CHD1: variants seen among roughly 807,000 people sequenced by gnomAD.
CHD1 encodes the protein ATP-dependent chromatin remodeler CHD1.
CHD1 carries 36 observed loss-of-function variants against 224.2 expected under a neutral mutation model. The observed-to-expected ratio is 0.16, with a 90% CI of 0.12 to 0.21. CHD1 has a LOEUF of 0.21. CHD1 is among the 10% of genes least tolerant of loss of function. The pLI, the probability that CHD1 is intolerant of heterozygous loss-of-function variation, is 1.00. For missense variants in CHD1, 1,378 were observed against 1,994.8 expected (o/e 0.69, Z 5.89); for synonymous variants, 668 against 658.3 (o/e 1.01, Z -0.23).
At chr5:98,856,830 T>C (rs1748069496) in intron 35 of CHD1, 105 bp from the exon 36 acceptor site, 6 of 774,002 alleles carry the variant, frequency 7.8e-6, no homozygotes, top group Non-Finnish European at 1.2e-5. Context: ...ATGTTTTTAA[T>C]TGTATAGAAA....
At chr5:98,877,589 T>C (rs1385174655) in intron 23 of CHD1, among the ~76,000 whole-genome samples, 1 of 152,230 alleles carries the variant, frequency 6.6e-6, no homozygotes, top group Non-Finnish European at 1.5e-5. Context: ...TCTGTAAGTC[T>C]TGGGAGTTTT....
At chr5:98,870,425 C>T (rs325210) in intron 29 of CHD1, among the ~76,000 whole-genome samples, 8,130 of 151,834 alleles carry the variant, frequency 0.054, 721 homozygotes, top group African/African-American at 0.19. Flanking sequence ...GCACGCTAAA[C>T]GAGTTTTCTC....
In CHD1 at chr5:98,900,293, A is replaced by G. The variant is rs1033773021; in HGVS notation, c.859+518T>C. ...CGAGATTCTGTCACAAAAAAAAAAA[A>G]AAAAGAAAAAAGAAATGTGGTCAGG... On this transcript the variant is annotated intron_variant, in intron 7 of 35. Transcript: ENST00000614616. Among the ~76,000 whole-genome samples, 3 of 151,810 alleles carry G rather than the reference A, an allele frequency of 2.0e-5. No homozygotes were observed. The East Asian group carries it at 5.8e-4, about 29-fold the overall frequency.
At chr5:98,891,723 A>C (rs1026690071) in intron 15 of CHD1, among the ~76,000 whole-genome samples, 1 of 152,204 alleles carries the variant, frequency 6.6e-6, no homozygotes, top group East Asian at 1.9e-4. Flanking sequence ...AGGCACCAGA[A>C]TCATTTGAAA....
At position 98,881,333 on chromosome 5, in the gene CHD1, C is replaced by T. The variant is rs1219441208; in HGVS notation, c.2910G>A (p.Lys970=). The T allele has an allele frequency of 6.9e-7, 1 of 1,450,040 alleles. No individual in the cohort carries two copies. The highest frequency in any genetic ancestry group is 1.5e-5 in the African/African-American group (1 of 66,410). The allele number at this position is 1,450,040 out of a possible 1,614,324, so 89.8% of individuals were successfully genotyped here. The change falls in exon 21 of 36, where the codon AAG becomes AAA. Residue 970 remains lysine, a synonymous_variant. Transcript: ENST00000614616. The part of the protein sequence containing the change: ...FNKEELSAIL[K]FGAEELFKEP... ...CCTTAAAAAGTTCTTCAGCACCAAACTTTAAAATGGCTGATAACTCTTCTT... is the reference window on the plus strand; with the variant it reads ...CCTTAAAAAGTTCTTCAGCACCAAATTTTAAAATGGCTGATAACTCTTCTT...
intron 13 of CHD1, among the ~76,000 whole-genome samples, chr5:98,894,316 T>C (rs560729110): frequency 6.6e-5 from 10 of 152,338 alleles, no homozygotes; most frequent in South Asian, 2.1e-4. Context: ...TTTCATTCGA[T>C]TGAGTTGGCA....
In CHD1 at chr5:98,901,203, G is replaced by C. The variant is rs771449704; in HGVS notation, c.570C>G (p.Ser190Arg). The C allele has an allele frequency of 7.4e-6, 12 of 1,611,846 alleles. No individual in the cohort carries two copies. In the South Asian group the frequency reaches 1.3e-4, roughly 18 times the overall value. The change falls in exon 6 of 36, where the codon AGC becomes AGG. Residue 190 changes from serine to arginine, a missense_variant. Coordinates refer to ENST00000614616, the MANE Select transcript of CHD1 (RefSeq NM_001270.4). ...GACCATACCTATTTTGAGGTTTTCT[G>C]CTTTTGACTTTGTTTTTTGGCTCAT... ...SDYEPKNKVK[S>R]RKPQNRSKSK...
chr5:98,896,791 T>TAA lies in CHD1; in HGVS notation c.1494-351_1494-350dup, dbSNP rs34014975. The stretch of plus-strand genomic sequence containing the variant: ...AAAAGTATATAGGAAGAACACAGAT[T>TAA]AAAAAAAAAAACTATAGCTAAATTG... On this transcript the variant is annotated intron_variant, in intron 11 of 35. Transcript: ENST00000614616. Among the ~76,000 whole-genome samples the TAA allele has an allele frequency of 1.4e-3, 202 of 144,806 alleles. 3 individuals carry two copies. The highest frequency in any genetic ancestry group is 7.1e-3 in the Middle Eastern group (2 of 280). The allele number at this position is 144,806 out of a possible 152,430, so 95.0% of individuals were successfully genotyped here. A position where few individuals can be genotyped will look rare whatever the true frequency, so the allele number is the denominator to read the frequency against.
intron 2 of CHD1, among the ~76,000 whole-genome samples, chr5:98,922,591 C>G (rs1753174724): frequency 6.6e-6 from 1 of 151,962 alleles, no homozygotes; most frequent in South Asian, 2.1e-4. Context: ...AATTTTGAAG[C>G]AAAAATACAT....
chr5:98,883,321 G>A, intron 18 of CHD1, 84 bp from the exon 19 acceptor site: 1 of 854,532 alleles, frequency 1.2e-6, no homozygotes, highest in Non-Finnish European at 1.7e-6. Context: ...TAAACAGAAA[G>A]GCAGTTTTTA....
At chr5:98,904,807 A>G in intron 3 of CHD1, 90 bp downstream of exon 3, 1 of 1,123,142 alleles carries the variant, frequency 8.9e-7, no homozygotes, top group Non-Finnish European at 1.3e-6. Flanking sequence ...CTTCTCTAAA[A>G]GCTAGATTAA....
chr5:98,883,067 A>G (rs1482303327), intron 19 of CHD1, 21 bp downstream of exon 19: 6 of 1,383,622 alleles, frequency 4.3e-6, no homozygotes, highest in Non-Finnish European at 5.7e-6. Flanking sequence ...GCAATATAAT[A>G]TAAATTAAAA....
At position 98,856,579 on chromosome 5, in the gene CHD1, G is replaced by T; in HGVS notation, c.4934C>A (p.Ser1645Ter). 1.2e-6 allele frequency: 2 copies of T among 1,613,688 alleles called. No homozygotes were observed. Among genetic ancestry groups the T allele is most frequent in the South Asian group, 1.1e-5 (1 of 91,070 alleles). ...TTTATGGTGCGTATATTCAGAACTTGACCGGTGGTCTGAATGTAACCGATG... is the reference window on the plus strand; with the variant it reads ...TTTATGGTGCGTATATTCAGAACTTTACCGGTGGTCTGAATGTAACCGATG... ...SDHRLHSDHR[S>*]SSEYTHHKSS... The change falls in exon 36 of 36, where the codon TCA becomes TAA. Residue 1645 changes from serine to a stop codon, truncating the protein, a stop_gained. Coordinates refer to ENST00000614616, the MANE Select transcript of CHD1 (RefSeq NM_001270.4). LOFTEE classifies it high-confidence loss of function.
intron 2 of CHD1, among the ~76,000 whole-genome samples, chr5:98,916,588 A>G (rs538585656): frequency 4.7e-5 from 7 of 149,760 alleles, no homozygotes; most frequent in Admixed American, 2.7e-4. Flanking sequence ...AAATATTTAT[A>G]TGCTTTTAAA....
intron 2 of CHD1, among the ~76,000 whole-genome samples, chr5:98,914,992 T>C (rs2112608210): frequency 6.6e-6 from 1 of 152,158 alleles, no homozygotes; most frequent in East Asian, 1.9e-4. Context: ...ATCTGGAAAG[T>C]AGTAGGTAAT....
In CHD1 at chr5:98,904,992, A is replaced by G; in HGVS notation, c.160T>C (p.Ser54Pro). ...SSQSGSSDSD[S>P]GSESGSQSES... ...GACTGACTGCCTGATTCAGATCCGG[A>G]GTCAGAGTCACTGCTACCTGACTGG... is the stretch of plus-strand genomic sequence containing the variant. The change falls in exon 3 of 36, where the codon TCC becomes CCC. Residue 54 changes from serine (S) to proline (P), a missense_variant. Physicochemically the swap from Ser to Pro is moderately conservative, Grantham distance 74. Transcript: ENST00000614616. The G allele has an allele frequency of 6.3e-7, 1 of 1,590,540 alleles. No individual in the cohort carries two copies. The highest frequency in any genetic ancestry group is 8.6e-7 in the Non-Finnish European group (1 of 1,158,504).
intron 11 of CHD1, 42 bp downstream of exon 11, chr5:98,897,151 C>A: frequency 6.3e-7 from 1 of 1,584,562 alleles, no homozygotes; most frequent in Non-Finnish European, 8.6e-7. Flanking sequence ...TTGGTAAATT[C>A]TTACTCTGTC....
At chr5:98,896,893 A>G (rs1400629981) in intron 11 of CHD1, among the ~76,000 whole-genome samples, 1 of 152,152 alleles carries the variant, frequency 6.6e-6, no homozygotes, top group Non-Finnish European at 1.5e-5. Flanking sequence ...GGATATTAAA[A>G]TAACTAGGAA....
In CHD1 at chr5:98,859,986, GT is replaced by G; in HGVS notation, c.4509del (p.Lys1503AsnfsTer15). The G allele has an allele frequency of 1.3e-6, 2 of 1,515,656 alleles. No homozygotes were observed. The highest frequency in any genetic ancestry group is 1.8e-6 in the Non-Finnish European group (2 of 1,125,030). 93.9% of individuals were successfully genotyped at this position (1,515,656 alleles called of 1,614,324 possible). ...LHKLYKHAIK[K>X]RQESQQNSDQ... ...GTCAAGTTTACCTGAGACTCCTGCC[GT>G]TTTTTAATAGCATGCTTATATAATT... is the stretch of plus-strand genomic sequence containing the variant. On this transcript the variant is annotated frameshift_variant, in exon 33 of 36. Coordinates refer to ENST00000614616, the MANE Select transcript of CHD1 (RefSeq NM_001270.4). LOFTEE classifies it high-confidence loss of function.
Sources: gnomAD v4.1 joint callset for allele counts (sites outside exome capture counted in the v4.1 genomes callset) on GRCh38, gnomAD v4.1.1 for gene constraint, MANE v1.5 for transcripts, NCBI Gene and HGNC (gene_info 2026-07-23, HGNC 2026-07-21) for gene names.